The following COMMD10 variants were observed in gnomAD, a reference collection of about 807,000 sequenced individuals.
COMMD10 encodes the protein COMM domain containing 10.
COMMD10 carries 33 observed loss-of-function variants against 28.9 expected under a neutral mutation model. That is an observed-to-expected ratio of 1.14 (90% CI 0.87 to 1.53). COMMD10 has a LOEUF of 1.53. Ranked by LOEUF, COMMD10 falls within the 40% of genes most tolerant of loss-of-function variation. The pLI is 0.00. For synonymous variants in COMMD10, 110 were observed against 81.7 expected, an observed-to-expected ratio of 1.35 and a Z score of -1.87; for missense variants, 310 against 233.4, an observed-to-expected ratio of 1.33 and a Z score of -2.14.
intron 5 of COMMD10, among the ~76,000 whole-genome samples, chr5:116,273,048 C>G (rs1750800944): frequency 1.3e-5 from 2 of 151,834 alleles, no homozygotes; most frequent in African/African-American, 4.9e-5. Context: ...AATGATTTCA[C>G]CACATTTCAC....
chr5:116,254,764 T>C (rs1053238865), intron 5 of COMMD10, among the ~76,000 whole-genome samples: 6 of 151,734 alleles, frequency 4.0e-5, no homozygotes, highest in Non-Finnish European at 8.8e-5. Flanking sequence ...CTGACAAAAA[T>C]GTATATTCTG....
chr5:116,173,097 T>A (rs560200238), intron 5 of COMMD10, among the ~76,000 whole-genome samples: 1 of 152,108 alleles, frequency 6.6e-6, no homozygotes, highest in African/African-American at 2.4e-5. Context: ...TGAAAATGTT[T>A]AGGTAGTAAA....
intron 5 of COMMD10, among the ~76,000 whole-genome samples, chr5:116,233,417 A>G (rs1478889115): frequency 6.6e-6 from 1 of 152,162 alleles, no homozygotes; most frequent in African/African-American, 2.4e-5. Flanking sequence ...CTTGAAATAT[A>G]TCTCCCACAG....
rs1750144800 is a variant in COMMD10 at position 116,087,520 on chromosome 5, T to C, written c.65T>C (p.Ile22Thr). The C allele has an allele frequency of 3.1e-6, 5 of 1,611,470 alleles. No individual in the cohort carries two copies. Among genetic ancestry groups the C allele is most frequent in the Non-Finnish European group, 4.2e-6 (5 of 1,177,500 alleles). ...SPSMKKAVSL[I>T]NAIDTGRFPR... ...AGCATGAAGAAAGCAGTGTCACTGA[T>C]AAATGCAATAGATACAGGAAGATTT... Residue 22 changes from isoleucine (I) to threonine (T), a missense_variant, in exon 2 of 7, where the codon ATA (isoleucine) becomes ACA (threonine). By Grantham distance (89) the Ile-to-Thr change is moderately conservative (BLOSUM62 -1). Coordinates refer to ENST00000274458, the MANE Select transcript of COMMD10 (RefSeq NM_016144.4).
At chr5:116,280,552 G>C (rs946487572) in intron 5 of COMMD10, among the ~76,000 whole-genome samples, 4 of 151,758 alleles carry the variant, frequency 2.6e-5, no homozygotes, top group Non-Finnish European at 5.9e-5. Flanking sequence ...TCTATTCCTT[G>C]CCATGGTACA....
chr5:116,101,259 A>T (rs1750648776), intron 4 of COMMD10, among the ~76,000 whole-genome samples: 1 of 152,158 alleles, frequency 6.6e-6, no homozygotes, highest in Admixed American at 6.6e-5. Context: ...TAGATGCCCC[A>T]TTGAGGGATT....
At chr5:116,249,289 T>C (rs1256396505) in intron 5 of COMMD10, among the ~76,000 whole-genome samples, 1 of 151,954 alleles carries the variant, frequency 6.6e-6, no homozygotes, top group Non-Finnish European at 1.5e-5. Flanking sequence ...TCAGTGATTA[T>C]TGTAGATAAG....
In COMMD10 at chr5:116,224,615, C is replaced by T. The variant is rs549207280; in HGVS notation, c.511-66902C>T. On this transcript the variant is annotated intron_variant, in intron 5 of 6. Transcript: ENST00000274458. Reference sequence around the variant, plus strand: ...AACCAGATCTCATATGAACTCAGAGCGAGAACTCATTTATTGTGAGGACAG... The same window carrying T: ...AACCAGATCTCATATGAACTCAGAGTGAGAACTCATTTATTGTGAGGACAG... Among the ~76,000 whole-genome samples the T allele has an allele frequency of 1.2e-4, 19 of 152,176 alleles. No individual in the cohort carries two copies. In the South Asian group the frequency reaches 1.7e-3, roughly 13 times the overall value.
At chr5:116,138,055 T>G (rs1307992543) in intron 5 of COMMD10, among the ~76,000 whole-genome samples, 1 of 151,944 alleles carries the variant, frequency 6.6e-6, no homozygotes, top group Non-Finnish European at 1.5e-5. Flanking sequence ...CAAAATAATT[T>G]GTGAAGTCAG....
At chr5:116,275,362 C>T (rs923442397) in intron 5 of COMMD10, among the ~76,000 whole-genome samples, 1 of 151,776 alleles carries the variant, frequency 6.6e-6, no homozygotes, top group African/African-American at 2.4e-5. Context: ...GCTTTATTCC[C>T]AATAATTTAT....
chr5:116,085,477 ACT>A (rs916258339), intron 1 of COMMD10: 11 of 233,742 alleles, frequency 4.7e-5, no homozygotes, highest in East Asian at 9.3e-5. Flanking sequence ...CGGTTCAGAC[ACT>A]CTGGTGGGAA....
intron 5 of COMMD10, among the ~76,000 whole-genome samples, chr5:116,261,145 G>C (rs4244402): frequency 0.98 from 149,357 of 151,810 alleles, 73,571 homozygotes; most frequent in South Asian, 1. Flanking sequence ...ACATATTTCA[G>C]GAAGAAAACT....
At chr5:116,098,075 CAT>C (rs1750523957) in intron 4 of COMMD10, among the ~76,000 whole-genome samples, 1 of 152,162 alleles carries the variant, frequency 6.6e-6, no homozygotes, top group Non-Finnish European at 1.5e-5. Context: ...GTCACTTTAT[CAT>C]ATTATCCCAA....
chr5:116,100,150 T>C (rs1014705648), intron 4 of COMMD10, among the ~76,000 whole-genome samples: 11 of 152,308 alleles, frequency 7.2e-5, no homozygotes, highest in African/African-American at 1.4e-4. Flanking sequence ...TGGTATCATG[T>C]TGGAGTTCAA....
chr5:116,119,534 A>G (rs1561611757), intron 4 of COMMD10, among the ~76,000 whole-genome samples: 1 of 151,764 alleles, frequency 6.6e-6, no homozygotes, highest in South Asian at 2.1e-4. Context: ...ATATGGTAAT[A>G]TATTCACTTC....
At chr5:116,269,634 A>G (rs1444840321) in intron 5 of COMMD10, among the ~76,000 whole-genome samples, 2 of 151,822 alleles carry the variant, frequency 1.3e-5, no homozygotes, top group Non-Finnish European at 2.9e-5. Flanking sequence ...CTTTTTGAAA[A>G]ATACCATACT....
At chr5:116,087,899 A>T (rs1270495429) in intron 2 of COMMD10, among the ~76,000 whole-genome samples, 1 of 152,218 alleles carries the variant, frequency 6.6e-6, no homozygotes, top group South Asian at 2.1e-4. Flanking sequence ...TTATTATGGT[A>T]TATATTTTGG....
intron 4 of COMMD10, among the ~76,000 whole-genome samples, chr5:116,123,690 G>C (rs888429301): frequency 1.3e-5 from 2 of 152,066 alleles, no homozygotes; most frequent in African/African-American, 2.4e-5. Flanking sequence ...CTATGAATCT[G>C]TCTGGTCCTT....
At chr5:116,196,783 A>T (rs1282317982) in intron 5 of COMMD10, among the ~76,000 whole-genome samples, 1 of 152,130 alleles carries the variant, frequency 6.6e-6, no homozygotes. Context: ...AATAACTAAT[A>T]TAGTATATTC....
Sources: allele counts gnomAD v4.1 joint callset (sites outside exome capture counted in the v4.1 genomes callset), GRCh38; gene constraint gnomAD v4.1.1; transcripts MANE v1.5; gene names NCBI Gene and HGNC (gene_info 2026-07-23, HGNC 2026-07-21).